The following ABAT variants were observed in gnomAD, a reference collection of about 807,000 sequenced individuals.
ABAT encodes the protein 4-aminobutyrate aminotransferase, mitochondrial.
ABAT carries 45 observed loss-of-function variants against 64.6 expected under a neutral mutation model. The ratio of observed to expected loss-of-function variants is 0.70; its 90% CI spans 0.55 to 0.89. The LOEUF is 0.89. Among genes scored for constraint, ABAT ranks in the 40% least tolerant of loss-of-function variants. The pLI, the probability that ABAT is intolerant of heterozygous loss-of-function variation, is 0.00. For missense variants in ABAT, 633 were observed against 658.4 expected (o/e 0.96, Z 0.42); for synonymous variants, 297 against 250.5 (o/e 1.19, Z -1.75).
chr16:8,737,804 T>C (rs2058994904), intron 2 of ABAT, among the ~76,000 whole-genome samples: 1 of 149,572 alleles, frequency 6.7e-6, no homozygotes, highest in Non-Finnish European at 1.5e-5. Context: ...GGCAGGCACC[T>C]GTAATCCCAG....
intron 10 of ABAT, 121 bp from the exon 11 acceptor site, chr16:8,768,704 G>C (rs1402537594): frequency 8.6e-5 from 118 of 1,378,018 alleles, no homozygotes; most frequent in Non-Finnish European, 3.1e-5. Flanking sequence ...GGGTTTCACA[G>C]GCAACAGGCC....
chr16:8,749,241 C>T (rs2059411654), intron 4 of ABAT, among the ~76,000 whole-genome samples: 1 of 151,820 alleles, frequency 6.6e-6, no homozygotes, highest in Non-Finnish European at 1.5e-5. Flanking sequence ...GCACCCGCCT[C>T]CACACCCAGC....
chr16:8,756,897 G>T (rs2059663091), intron 5 of ABAT, among the ~76,000 whole-genome samples: 1 of 152,208 alleles, frequency 6.6e-6, no homozygotes, highest in South Asian at 2.1e-4. Flanking sequence ...GCTAAGCCTT[G>T]TTGTGCAATG....
At position 8,766,274 on chromosome 16, in the gene ABAT, A is replaced by AGTGCAGCTGGGCTTGCACCAC; in HGVS notation, c.603+7_603+27dup. ...GGAGACGTGCATGATTAACCAGGTG[A>AGTGCAGCTGGGCTTGCACCAC]GTGCAGCTGGGCTTGCACCACGTAC... is the stretch of plus-strand genomic sequence containing the variant. On this transcript the variant is annotated splice_donor_region_variant and intron_variant, in intron 9 of 15. Coordinates refer to ENST00000268251, the MANE Select transcript of ABAT (RefSeq NM_020686.6). The AGTGCAGCTGGGCTTGCACCAC allele has an allele frequency of 1.2e-6, 2 of 1,613,626 alleles. No homozygotes were observed. The highest frequency in any genetic ancestry group is 1.7e-6 in the Non-Finnish European group (2 of 1,179,614).
intron 2 of ABAT, among the ~76,000 whole-genome samples, chr16:8,738,261 C>T (rs1282555462): frequency 1.3e-5 from 2 of 151,922 alleles, no homozygotes; most frequent in African/African-American, 4.8e-5. Context: ...ATCGAGGCTG[C>T]AGTGAGCCAT....
intron 5 of ABAT, among the ~76,000 whole-genome samples, chr16:8,756,421 T>G (rs568111236): frequency 6.6e-6 from 1 of 152,086 alleles, no homozygotes; most frequent in South Asian, 2.1e-4. Context: ...TTCTTCTTTT[T>G]AAAAAAAAGG....
At chr16:8,771,912 G>A (rs1596469690) in intron 11 of ABAT, among the ~76,000 whole-genome samples, 1 of 151,450 alleles carries the variant, frequency 6.6e-6, no homozygotes, top group East Asian at 1.9e-4. Flanking sequence ...CTACAGGCAC[G>A]CAGCCACCAT....
chr16:8,741,676 T>C (rs1704411873), intron 2 of ABAT, among the ~76,000 whole-genome samples: 2 of 152,236 alleles, frequency 1.3e-5, no homozygotes, highest in South Asian at 2.1e-4. Flanking sequence ...TTGTGGTGTA[T>C]TGTTATATGT....
At chr16:8,684,114 G>T (rs554913503) in intron 1 of ABAT, among the ~76,000 whole-genome samples, 4 of 152,232 alleles carry the variant, frequency 2.6e-5, no homozygotes, top group Admixed American at 2.0e-4. Flanking sequence ...ACAGGTTCAA[G>T]CTCAAAGTAA....
chr16:8,743,074 T>A (rs533227230), intron 2 of ABAT, among the ~76,000 whole-genome samples: 6 of 149,682 alleles, frequency 4.0e-5, no homozygotes, highest in Non-Finnish European at 7.4e-5. Flanking sequence ...AATGGAATAC[T>A]TTTAGGAATT....
chr16:8,681,923 G>A (rs1417241751), intron 1 of ABAT, among the ~76,000 whole-genome samples: 1 of 152,026 alleles, frequency 6.6e-6, no homozygotes, highest in Non-Finnish European at 1.5e-5. Flanking sequence ...ATTACAGGCT[G>A]AGCCACCTCT....
intron 15 of ABAT, among the ~76,000 whole-genome samples, chr16:8,780,188 G>A (rs558511821): frequency 2.6e-5 from 4 of 152,228 alleles, no homozygotes; most frequent in South Asian, 2.1e-4. Context: ...GAAGGCGAAC[G>A]GTTGGGAGGG....
chr16:8,748,602 A>G (rs1263851775), intron 4 of ABAT, among the ~76,000 whole-genome samples: 1 of 152,164 alleles, frequency 6.6e-6, no homozygotes, highest in Non-Finnish European at 1.5e-5. Flanking sequence ...TCTTCTCCCT[A>G]GTTGTCCTAT....
chr16:8,713,733 G>A, intron 1 of ABAT: 1 of 386,048 alleles, frequency 2.6e-6, no homozygotes, highest in South Asian at 1.8e-5. Context: ...CTCCTGAGGA[G>A]GGAGCTGGTG....
chr16:8,690,697 C>T (rs559992198), intron 1 of ABAT, among the ~76,000 whole-genome samples: 1 of 152,146 alleles, frequency 6.6e-6, no homozygotes, highest in Non-Finnish European at 1.5e-5. Context: ...GGTTTTGGTT[C>T]TTTCTGCACC....
Position 8,781,418 on chromosome 16 carries a change from A to G in ABAT, c.1491A>G (p.Ala497=), listed in dbSNP as rs1290355155. The change falls in exon 16 of 16, where the codon GCA becomes GCG. Residue 497 remains alanine, a synonymous_variant. Transcript: ENST00000268251. This position sits in a 1 kb window ranked among gnomAD's most constrained non-coding sequence, Gnocchi z 4.5. The part of the protein sequence containing the change: ...LFLNIFSDIL[A]DFK ...TCAATATTTTCAGTGACATCTTAGC[A>G]GACTTCAAGTAAAGAAGCCATTTCC... 3.1e-6 allele frequency: 5 copies of G among 1,614,122 alleles called. No individual in the cohort carries two copies. The highest frequency in any genetic ancestry group is 2.7e-5 in the African/African-American group (2 of 74,938).
intron 1 of ABAT, among the ~76,000 whole-genome samples, chr16:8,718,129 C>T (rs8055836): frequency 0.22 from 34,205 of 152,046 alleles, 4,813 homozygotes; most frequent in African/African-American, 0.39. Context: ...TCTCATAGCG[C>T]TGATGATGCA....
At chr16:8,743,314 GTC>G (rs1336232530) in intron 2 of ABAT, among the ~76,000 whole-genome samples, 1 of 49,838 alleles carries the variant, frequency 2.0e-5, no homozygotes, top group Non-Finnish European at 3.6e-5. Flanking sequence ...CTGCATGTGT[GTC>G]TCTGTGTGTG....
chr16:8,680,964 C>G (rs1292155545), intron 1 of ABAT, among the ~76,000 whole-genome samples: 1 of 146,524 alleles, frequency 6.8e-6, no homozygotes, highest in African/African-American at 2.5e-5. Flanking sequence ...TTCTCTTTTT[C>G]TTTTTCTTTT....
Sources: gnomAD v4.1 joint callset for allele counts (sites outside exome capture counted in the v4.1 genomes callset) on GRCh38, gnomAD v4.1.1 for gene constraint, Gnocchi (gnomAD v3.1) non-coding constraint, MANE v1.5 for transcripts, NCBI Gene and HGNC (gene_info 2026-07-23, HGNC 2026-07-21) for gene names.